The following ATAD2B variants were observed in gnomAD, a reference collection of about 807,000 sequenced individuals.
ATAD2B encodes the protein ATPase family AAA domain-containing protein 2B.
In ATAD2B, 40 loss-of-function variants were observed where a neutral mutation model predicts 167.6. That is an observed-to-expected ratio of 0.24 (90% confidence interval 0.19 to 0.31). The LOEUF (loss-of-function observed/expected upper bound fraction) is 0.31, where lower values mean the gene tolerates loss of function less well. Among genes scored for constraint, ATAD2B ranks in the 10% least tolerant of loss-of-function variants. ATAD2B has a pLI of 1.00. For missense variants in ATAD2B, 1,242 were observed against 1,757.2 expected (o/e 0.71, Z 5.24); for synonymous variants, 579 against 596.5 (o/e 0.97, Z 0.43).
intron 24 of ATAD2B, among the ~76,000 whole-genome samples, chr2:23,758,455 G>A (rs919013633): frequency 4.6e-5 from 7 of 152,158 alleles, no homozygotes; most frequent in Admixed American, 4.6e-4. Context: ...ACATTACCAG[G>A]CTGCCAGAAA....
chr2:23,699,788 C>T, the ATAD2B span, among the ~76,000 whole-genome samples: 4 of 152,222 alleles, frequency 2.6e-5, no homozygotes, highest in Non-Finnish European at 5.9e-5. Flanking sequence ...CATCCTCTAC[C>T]GGGTCCTTCA....
chr2:23,792,467 T>TA (rs201253813), intron 19 of ATAD2B, among the ~76,000 whole-genome samples: 495 of 120,930 alleles, frequency 4.1e-3, no homozygotes, highest in Middle Eastern at 0.013. Context: ...ACTTAAGATC[T>TA]AAAAAAAAAA....
chr2:23,899,330 G>T (rs1700518732), intron 1 of ATAD2B, among the ~76,000 whole-genome samples: 1 of 146,454 alleles, frequency 6.8e-6, no homozygotes, highest in South Asian at 2.1e-4. Context: ...AAGCCACAAG[G>T]CCACACTGGT....
chr2:23,704,041 G>A, the ATAD2B span, among the ~76,000 whole-genome samples: 5 of 152,200 alleles, frequency 3.3e-5, no homozygotes, highest in African/African-American at 1.2e-4. Flanking sequence ...GGAGCCCACG[G>A]CAGCCTCTGG....
rs1558714074 is a variant in ATAD2B at position 23,878,025 on chromosome 2, A to AAAAAAAAAAAAAAAAAAAAAAAAG, written c.902-2122_902-2121insCTTTTTTTTTTTTTTTTTTTTTTT. 8.3e-4 allele frequency among the ~76,000 whole-genome samples: 89 copies of AAAAAAAAAAAAAAAAAAAAAAAAG among 106,928 alleles called. 3 individuals are homozygous for AAAAAAAAAAAAAAAAAAAAAAAAG. The highest frequency in any genetic ancestry group is 1.6e-3 in the Non-Finnish European group (75 of 47,162). The allele number at this position is 106,928 out of a possible 152,430, so 70.1% of individuals were successfully genotyped here. ...ACCCTATCTCCAAAGAAAAAAAAAA[A>AAAAAAAAAAAAAAAAAAAAAAAAG]AAAAAAAAAAAAAAGCAAAATGTAT... On this transcript the variant is annotated intron_variant, in intron 7 of 27. Coordinates refer to ENST00000238789, the MANE Select transcript of ATAD2B (RefSeq NM_017552.4).
At chr2:23,807,192 T>C (rs1467602965) in intron 18 of ATAD2B, among the ~76,000 whole-genome samples, 6 of 152,190 alleles carry the variant, frequency 3.9e-5, no homozygotes, top group Non-Finnish European at 8.8e-5. Flanking sequence ...GATGAGAATA[T>C]TGACATTTAA....
chr2:23,727,013 T>C, the ATAD2B span, among the ~76,000 whole-genome samples: 3 of 152,002 alleles, frequency 2.0e-5, no homozygotes, highest in African/African-American at 7.2e-5. Context: ...TAAACACCAA[T>C]TAAAAAAACA....
rs1481104582 is a variant in ATAD2B, at chr2:23,867,841, A to C, written c.1182T>G (p.Asp394Glu). 1 of 1,597,198 alleles carries C rather than the reference A, an allele frequency of 6.3e-7. No individual in the cohort carries two copies. The highest frequency in any genetic ancestry group is 8.5e-7 in the Non-Finnish European group (1 of 1,171,118). The change falls in exon 10 of 28, where the codon GAT becomes GAG. Residue 394 changes from aspartate (D) to glutamate (E), a missense_variant. Transcript: ENST00000238789. Reference protein sequence around the residue: ...SLADVDPMNIDKSVRFDSIGG... With the variant: ...SLADVDPMNIEKSVRFDSIGG... ...AAACATTTACAAAACTTACTGATTT[A>C]TCAATGTTCATTGGATCAACATCAG...
At chr2:23,828,806 G>T in intron 15 of ATAD2B, 43 bp downstream of exon 15, 1 of 1,310,796 alleles carries the variant, frequency 7.6e-7, no homozygotes, top group Non-Finnish European at 1.1e-6. Context: ...AGGTTGAGCA[G>T]AACAAACAAT....
rs773714753 is a variant in ATAD2B at position 23,834,036 on chromosome 2, A to G, written c.1611T>C (p.Asp537=). 49 of 1,611,536 alleles carry G rather than the reference A, an allele frequency of 3.0e-5. No individual in the cohort carries two copies. The Admixed American group carries it at 3.5e-4, about 12-fold the overall frequency. Residue 537 remains aspartate, a synonymous_variant, in exon 14 of 28, where the codon GAT becomes GAC. Coordinates refer to ENST00000238789, the MANE Select transcript of ATAD2B (RefSeq NM_017552.4). ...CAATAACAACAATTTCACCCCTATTATCTAATCCATCCATAAGAGCAAGGA... is the reference window on the plus strand; with the variant it reads ...CAATAACAACAATTTCACCCCTATTGTCTAATCCATCCATAAGAGCAAGGA... ...STLLALMDGL[D]NRGEIVVIGA...
At chr2:23,756,566 T>C (rs1014476669) in intron 25 of ATAD2B, among the ~76,000 whole-genome samples, 1 of 152,124 alleles carries the variant, frequency 6.6e-6, no homozygotes, top group Non-Finnish European at 1.5e-5. Context: ...GACCCTGCTA[T>C]GGGCTAAAGA....
chr2:23,770,663 G>A (rs754856480), intron 22 of ATAD2B, among the ~76,000 whole-genome samples: 35 of 152,240 alleles, frequency 2.3e-4, no homozygotes, highest in Non-Finnish European at 4.6e-4. Flanking sequence ...CTCTATGTGT[G>A]CATCTATTTC....
chr2:23,903,973 T>C (rs547577549), intron 1 of ATAD2B, among the ~76,000 whole-genome samples: 2 of 152,082 alleles, frequency 1.3e-5, no homozygotes, highest in East Asian at 3.9e-4. Context: ...GTGGTGATGG[T>C]GGTGTGGGGA....
intron 22 of ATAD2B, among the ~76,000 whole-genome samples, chr2:23,771,837 G>C (rs763573298): frequency 2.0e-5 from 3 of 152,120 alleles, no homozygotes; most frequent in Non-Finnish European, 2.9e-5. Flanking sequence ...TAAACACTAG[G>C]GTAGGACCTC....
intron 21 of ATAD2B, among the ~76,000 whole-genome samples, chr2:23,783,959 A>G (rs947837408): frequency 6.6e-6 from 1 of 152,046 alleles, no homozygotes; most frequent in Non-Finnish European, 1.5e-5. Flanking sequence ...TGTAATTTAT[A>G]TGTTTTTTAA....
intron 13 of ATAD2B, 74 bp from the exon 14 acceptor site, chr2:23,834,152 CTTTTTT>C (rs11378615): frequency 1.0e-3 from 121 of 119,580 alleles, no homozygotes; most frequent in Non-Finnish European, 1.1e-3. Flanking sequence ...ATCAGTCTTT[CTTTTTT>C]TTTTTTTTTT....
At chr2:23,879,543 G>T (rs903236711) in intron 7 of ATAD2B, among the ~76,000 whole-genome samples, 3 of 152,074 alleles carry the variant, frequency 2.0e-5, no homozygotes, top group African/African-American at 7.2e-5. Flanking sequence ...GGAGTTTGAG[G>T]CTGTAGTGTA....
rs745439741 is a variant in ATAD2B, at chr2:23,783,073, C to G, written c.2974-45G>C. ...AAAAATTACTTCCAGTTTTTCACAT[C>G]ATCTCAGTTCATAAAAACACAAAAT... On this transcript the variant is annotated intron_variant, in intron 21 of 27. Coordinates refer to ENST00000238789, the MANE Select transcript of ATAD2B (RefSeq NM_017552.4). 28 of 1,010,102 alleles carry G rather than the reference C, an allele frequency of 2.8e-5. No homozygotes were observed. In the East Asian group the frequency reaches 7.7e-4, roughly 28 times the overall value. The allele number at this position is 1,010,102 out of a possible 1,614,324, so 62.6% of individuals were successfully genotyped here.
intron 13 of ATAD2B, among the ~76,000 whole-genome samples, chr2:23,849,985 C>CA (rs902225078): frequency 4.0e-5 from 6 of 149,864 alleles, no homozygotes; most frequent in African/African-American, 1.2e-4. Flanking sequence ...GACTTTAATA[C>CA]AAAAAAAATT....
Sources: gnomAD v4.1 joint callset for allele counts (sites outside exome capture counted in the v4.1 genomes callset) on GRCh38, gnomAD v4.1.1 for gene constraint, MANE v1.5 for transcripts, NCBI Gene and HGNC (gene_info 2026-07-23, HGNC 2026-07-21) for gene names.